Variants in GLG1 observed in about 807,000 individuals in gnomAD.
GLG1 encodes Golgi apparatus protein 1.
A neutral mutation model predicts 160.5 loss-of-function variants in GLG1; 38 were observed. The ratio of observed to expected loss-of-function variants is 0.24; its 90% confidence interval spans 0.18 to 0.31. The LOEUF is 0.31. Among genes scored for constraint, GLG1 ranks in the 10% least tolerant of loss-of-function variants. The pLI is 1.00. For missense variants in GLG1, 1,373 were observed against 1,505.2 expected (o/e 0.91, Z 1.45); for synonymous variants, 644 against 543.4 (o/e 1.19, Z -2.57).
intron 1 of GLG1, among the ~76,000 whole-genome samples, chr16:74,568,250 T>C (rs1461736036): frequency 6.6e-6 from 1 of 152,188 alleles, no homozygotes; most frequent in Admixed American, 6.5e-5. Flanking sequence ...AAACCTTGTC[T>C]TTACAGTTAT....
At chr16:74,561,740 C>T (rs2018520328) in intron 1 of GLG1, among the ~76,000 whole-genome samples, 2 of 152,150 alleles carry the variant, frequency 1.3e-5, no homozygotes, top group Non-Finnish European at 2.9e-5. Context: ...ATTTAACAGG[C>T]TATAAATGCA....
intron 12 of GLG1, 78 bp from the exon 13 acceptor site, chr16:74,474,710 A>T: frequency 2.6e-6 from 2 of 784,262 alleles, no homozygotes; most frequent in Non-Finnish European, 4.7e-6. Context: ...CAGCGTCATG[A>T]CACTTCCCTT....
rs1425543649 is a variant in GLG1, at chr16:74,451,823, C to A, written c.*1344G>T. 8.2e-6 allele frequency: 4 copies of A among 486,942 alleles called. No homozygotes were observed. The highest frequency in any genetic ancestry group is 5.8e-5 in the African/African-American group (3 of 51,326). The allele number at this position is 486,942 out of a possible 1,614,324, so 30.2% of individuals were successfully genotyped here. ...TCATCTCCACACTGGAGGAATGAGG[C>A]GGGATGGCCAAGAATATTGCTTCTA... On this transcript the variant is annotated 3_prime_UTR_variant, in exon 26 of 26. Transcript: ENST00000422840.
intron 8 of GLG1, among the ~76,000 whole-genome samples, chr16:74,490,536 C>A (rs1455223548): frequency 1.3e-5 from 2 of 152,146 alleles, no homozygotes; most frequent in Admixed American, 6.6e-5. Flanking sequence ...TCATGCCATG[C>A]GGTAAATTAG....
rs1313409572 is a variant in GLG1, at chr16:74,470,160, CA to C, written c.2230-88del. 2.5e-5 allele frequency: 20 copies of C among 788,988 alleles called. 2 individuals carry two copies. The highest frequency in any genetic ancestry group is 4.5e-5 in the Non-Finnish European group (20 of 444,410). The allele number at this position is 788,988 out of a possible 1,614,324, so 48.9% of individuals were successfully genotyped here. ...GGCGCACTTTTTCATATAGCTCTCA[CA>C]AGCCTGTTTACAAGACCCTGCATGG... On this transcript the variant is annotated intron_variant, in intron 15 of 25. Coordinates refer to ENST00000422840, the MANE Select transcript of GLG1 (RefSeq NM_001145667.2).
At chr16:74,549,243 A>G (rs566601991) in intron 1 of GLG1, among the ~76,000 whole-genome samples, 8 of 152,308 alleles carry the variant, frequency 5.3e-5, no homozygotes, top group African/African-American at 1.4e-4. Context: ...TAGTAAAGTA[A>G]TGTACTGTAT....
At chr16:74,521,748 G>C (rs192278508) in intron 2 of GLG1, among the ~76,000 whole-genome samples, 1 of 152,174 alleles carries the variant, frequency 6.6e-6, no homozygotes, top group African/African-American at 2.4e-5. Context: ...CAGGAGGACA[G>C]CATCAACTGT....
At chr16:74,524,469 T>C (rs2017274259) in intron 2 of GLG1, among the ~76,000 whole-genome samples, 1 of 152,166 alleles carries the variant, frequency 6.6e-6, no homozygotes, top group African/African-American at 2.4e-5. Context: ...GAAATTTGAA[T>C]GCTAATTTGA....
intron 5 of GLG1, among the ~76,000 whole-genome samples, chr16:74,495,640 C>T (rs1451732318): frequency 6.6e-6 from 1 of 152,130 alleles, no homozygotes; most frequent in Non-Finnish European, 1.5e-5. Flanking sequence ...TAAAGATTAG[C>T]CACCTGCTGT....
intron 1 of GLG1, chr16:74,563,311 C>A (rs2018558706): frequency 2.0e-5 from 3 of 152,218 alleles, no homozygotes; most frequent in Non-Finnish European, 4.4e-5. Context: ...TGGTCCACTC[C>A]TTTTAACCTA....
intron 1 of GLG1, among the ~76,000 whole-genome samples, chr16:74,533,319 TCAAAAAA>T (rs1282701394): frequency 6.6e-6 from 1 of 152,098 alleles, no homozygotes; most frequent in African/African-American, 2.4e-5. Context: ...AGACTCCGTC[TCAAAAAA>T]CAAAAAACAA....
In GLG1 at chr16:74,452,910, T is replaced by C. The variant is rs556840491; in HGVS notation, c.*257A>G. On this transcript the variant is annotated 3_prime_UTR_variant, in exon 26 of 26. Transcript: ENST00000422840. ...TCTGTTGGTATGAGAGAGACTTGTC[T>C]ACAGGCAGGTAAACCCAAGTTTGCC... 3.4e-6 allele frequency: 4 copies of C among 1,181,146 alleles called. No homozygotes were observed. The highest frequency in any genetic ancestry group is 4.4e-5 in the Admixed American group (1 of 22,914). 73.2% of individuals were successfully genotyped at this position (1,181,146 alleles called of 1,614,324 possible).
intron 2 of GLG1, among the ~76,000 whole-genome samples, chr16:74,517,462 C>A (rs891486398): frequency 3.3e-5 from 5 of 152,188 alleles, no homozygotes; most frequent in African/African-American, 1.2e-4. Context: ...ATGATTATCA[C>A]AATAGATGCA....
chr16:74,593,876 T>C (rs1272621014), intron 1 of GLG1, among the ~76,000 whole-genome samples: 1 of 152,206 alleles, frequency 6.6e-6, no homozygotes, highest in Non-Finnish European at 1.5e-5. Context: ...ATCATTCTTA[T>C]GATTTTAAAT....
rs1332175549 is a variant in GLG1 at position 74,500,097 on chromosome 16, AT to A, written c.774+3433del. ...ATAAATATTTTTTTCAAATAAGGGT[AT>A]TTCAGGAGTTCCTCGGAGTCTCTGA... On this transcript the variant is annotated intron_variant, in intron 4 of 25. Transcript: ENST00000422840. 6.6e-5 allele frequency among the ~76,000 whole-genome samples: 10 copies of A among 152,312 alleles called. No homozygotes were observed. The East Asian group carries it at 1.9e-3, about 29-fold the overall frequency.
At chr16:74,536,729 G>A (rs970353024) in intron 1 of GLG1, among the ~76,000 whole-genome samples, 1 of 152,106 alleles carries the variant, frequency 6.6e-6, no homozygotes, top group Non-Finnish European at 1.5e-5. Flanking sequence ...CATATAACAT[G>A]GGTGTAACTA....
At chr16:74,583,968 T>C (rs1356247678) in intron 1 of GLG1, among the ~76,000 whole-genome samples, 1 of 152,170 alleles carries the variant, frequency 6.6e-6, no homozygotes, top group Non-Finnish European at 1.5e-5. Context: ...AAATTTTTCC[T>C]AGGTAAGAAG....
At chr16:74,594,368 T>A (rs535447860) in intron 1 of GLG1, among the ~76,000 whole-genome samples, 107 of 152,324 alleles carry the variant, frequency 7.0e-4, no homozygotes, top group African/African-American at 2.4e-3. Flanking sequence ...AATGTACAGG[T>A]CCTGTAAATA....
chr16:74,519,652 G>A (rs1463105862), intron 2 of GLG1, among the ~76,000 whole-genome samples: 2 of 150,938 alleles, frequency 1.3e-5, no homozygotes, highest in Non-Finnish European at 2.9e-5. Flanking sequence ...AAGCTATGTT[G>A]AGTCAAACGG....
Sources: allele counts gnomAD v4.1 joint callset (sites outside exome capture counted in the v4.1 genomes callset), GRCh38; gene constraint gnomAD v4.1.1; transcripts MANE v1.5; gene names NCBI Gene and HGNC (gene_info 2026-07-23, HGNC 2026-07-21).